The following CCDC30 variants were observed in gnomAD, a reference collection of about 807,000 sequenced individuals.
CCDC30 encodes the protein coiled-coil domain containing 30.
Under a neutral mutation model 100.2 loss-of-function variants are expected in CCDC30, and 70 were observed. That is an observed-to-expected ratio of 0.70 (90% CI 0.58 to 0.85). The LOEUF is 0.85. Ranked by LOEUF, CCDC30 falls within the 40% of genes least tolerant of loss-of-function variation. CCDC30 has a pLI of 0.00. For synonymous variants in CCDC30, 233 were observed against 269.5 expected (o/e 0.86, Z 1.33); for missense variants, 652 against 771.2 (o/e 0.85, Z 1.83).
chr1:42,498,371 C>G lies in CCDC30; in HGVS notation c.358-447C>G, dbSNP rs969370439. On this transcript the variant is annotated intron_variant, in intron 5 of 16. Coordinates refer to ENST00000668663, the Ensembl canonical transcript of CCDC30. The stretch of plus-strand genomic sequence containing the variant: ...ATGGATGGTGGTGATGGTTGCACAA[C>G]AGTGTGCCTGACAATGTACTTAATA... Among the ~76,000 whole-genome samples the G allele has an allele frequency of 9.9e-5, 15 of 152,230 alleles. No homozygotes were observed. In the South Asian group the frequency reaches 3.1e-3, roughly 32 times the overall value.
the CCDC30 span, chr1:42,456,665 G>A: frequency 6.2e-7 from 1 of 1,601,492 alleles, no homozygotes; most frequent in Non-Finnish European, 8.5e-7. Context: ...GGGCGCGCAG[G>A]GCCGGCGGGT....
chr1:42,497,297 G>T, intron 5 of CCDC30, 84 bp downstream of exon 5: 1 of 820,010 alleles, frequency 1.2e-6, no homozygotes, highest in African/African-American at 1.8e-5. Context: ...TATACAACAT[G>T]TAAGTTGGTC....
intron 7 of CCDC30, among the ~76,000 whole-genome samples, chr1:42,572,625 A>T (rs1194289967): frequency 6.6e-6 from 1 of 151,938 alleles, no homozygotes; most frequent in Non-Finnish European, 1.5e-5. Flanking sequence ...GTATTTGCTT[A>T]TTTATTTTTG....
At chr1:42,582,553 G>A (rs1645989122) in intron 9 of CCDC30, among the ~76,000 whole-genome samples, 1 of 152,184 alleles carries the variant, frequency 6.6e-6, no homozygotes, top group African/African-American at 2.4e-5. Context: ...TGGTAGAGAA[G>A]GAATCTGGTG....
At chr1:42,522,133 G>T (rs1162998921) in intron 6 of CCDC30, among the ~76,000 whole-genome samples, 1 of 152,060 alleles carries the variant, frequency 6.6e-6, no homozygotes, top group African/African-American at 2.4e-5. Flanking sequence ...CAATGTAAGT[G>T]TTGTATAAAT....
intron 11 of CCDC30, among the ~76,000 whole-genome samples, chr1:42,625,203 G>A (rs1646909623): frequency 6.6e-6 from 1 of 152,014 alleles, no homozygotes; most frequent in African/African-American, 2.4e-5. Flanking sequence ...ACGATACTTT[G>A]AATTTCTGTG....
At chr1:42,478,060 T>G in intron 1 of CCDC30, among the ~76,000 whole-genome samples, 1 of 152,226 alleles carries the variant, frequency 6.6e-6, no homozygotes, top group East Asian at 1.9e-4. Context: ...TGGACTATGC[T>G]TGATGTTCCT....
At chr1:42,546,402 ATAT>A (rs1645140519) in intron 6 of CCDC30, among the ~76,000 whole-genome samples, 1 of 25,772 alleles carries the variant, frequency 3.9e-5, no homozygotes, top group African/African-American at 1.0e-4. Context: ...AAAAAAAAAT[ATAT>A]ATATATATAT....
intron 6 of CCDC30, among the ~76,000 whole-genome samples, chr1:42,507,596 C>T (rs1483860406): frequency 7.9e-5 from 12 of 152,072 alleles, no homozygotes; most frequent in Non-Finnish European, 4.4e-5. Flanking sequence ...TTTTACACAC[C>T]TTGCATGTAA....
At chr1:42,603,055 C>T (rs915379219) in intron 10 of CCDC30, among the ~76,000 whole-genome samples, 1 of 152,170 alleles carries the variant, frequency 6.6e-6, no homozygotes, top group East Asian at 1.9e-4. Context: ...CTATCTTAGT[C>T]TGTTTATGCT....
intron 6 of CCDC30, among the ~76,000 whole-genome samples, chr1:42,519,819 C>T (rs1253681356): frequency 6.6e-6 from 1 of 152,164 alleles, no homozygotes; most frequent in South Asian, 2.1e-4. Context: ...TCCCAAAGTG[C>T]TGTGATTACA....
At chr1:42,654,139 C>G in exon 17 of CCDC30, 1 of 701,892 alleles carries the variant, frequency 1.4e-6, no homozygotes, top group Non-Finnish European at 2.4e-6. Flanking sequence ...GGATATCACC[C>G]AAGAGTCTTC....
intron 12 of CCDC30, among the ~76,000 whole-genome samples, chr1:42,642,244 A>C (rs200733501): frequency 0.099 from 14,446 of 146,642 alleles, 902 homozygotes; most frequent in African/African-American, 0.18. Context: ...AACAAACAAA[A>C]AAATATATAT....
intron 10 of CCDC30, among the ~76,000 whole-genome samples, chr1:42,605,483 T>G (rs1408953851): frequency 1.3e-5 from 2 of 152,042 alleles, no homozygotes; most frequent in Non-Finnish European, 2.9e-5. Flanking sequence ...GCAAACAAAG[T>G]CATTATTTTT....
intron 7 of CCDC30, among the ~76,000 whole-genome samples, chr1:42,568,648 C>G (rs1020394899): frequency 1.3e-5 from 2 of 151,904 alleles, no homozygotes; most frequent in African/African-American, 2.4e-5. Context: ...CACTCAAGGC[C>G]AGGTGCAGTG....
intron 6 of CCDC30, among the ~76,000 whole-genome samples, chr1:42,557,768 A>G (rs1362127104): frequency 6.7e-6 from 1 of 150,284 alleles, no homozygotes; most frequent in East Asian, 1.9e-4. Context: ...TAAAATTAGG[A>G]TAGTTAAGGC....
chr1:42,492,088 T>C (rs1437116687), intron 4 of CCDC30: 3 of 329,888 alleles, frequency 9.1e-6, no homozygotes, highest in African/African-American at 4.4e-5. Context: ...TGGCAGACCA[T>C]GATTGAACCT....
At chr1:42,525,955 A>G (rs1416496588) in intron 6 of CCDC30, among the ~76,000 whole-genome samples, 1 of 152,040 alleles carries the variant, frequency 6.6e-6, no homozygotes, top group Non-Finnish European at 1.5e-5. Flanking sequence ...TGCCCTACTC[A>G]TGTGTGGCTC....
At chr1:42,566,227 A>G (rs946913668) in intron 6 of CCDC30, 69 bp from the exon 11 acceptor site, 1 of 1,249,166 alleles carries the variant, frequency 8.0e-7, no homozygotes, top group Non-Finnish European at 1.1e-6. Flanking sequence ...GGTTCTGACA[A>G]CTTGAACCCA....
Sources: allele counts gnomAD v4.1 joint callset (sites outside exome capture counted in the v4.1 genomes callset), GRCh38; gene constraint gnomAD v4.1.1; transcripts MANE v1.5; gene names NCBI Gene and HGNC (gene_info 2026-07-23, HGNC 2026-07-21).